Variants in CFAP77 observed in about 807,000 individuals in gnomAD.
CFAP77 encodes cilia- and flagella-associated protein 77.
CFAP77 carries 25 observed loss-of-function variants against 31.1 expected under a neutral mutation model. That is an observed-to-expected ratio of 0.80 (90% CI 0.59 to 1.12). CFAP77 has a LOEUF of 1.12. CFAP77 is among the 50% of genes most tolerant of loss of function. CFAP77 has a pLI of 0.00. For missense variants in CFAP77, 377 were observed against 397.3 expected, an observed-to-expected ratio of 0.95 and a Z score of 0.44; for synonymous variants, 151 against 159.9, an observed-to-expected ratio of 0.94 and a Z score of 0.42.
rs1305842690 is a variant in CFAP77, at chr9:132,539,442, C to A, written c.630+1736C>A. On this transcript the variant is annotated intron_variant, in intron 4 of 5. Transcript: ENST00000393216. The surrounding 1 kb of genome is among the most constrained non-coding windows in gnomAD (Gnocchi z 4.3). ...GGTTTATTTCACGGGGAAACTAGGG[C>A]TCAGAGAGATGAAGTGATTTGCCAA... is the stretch of plus-strand genomic sequence containing the variant. 1.3e-5 allele frequency among the ~76,000 whole-genome samples: 2 copies of A among 152,118 alleles called. No homozygotes were observed. The highest frequency in any genetic ancestry group is 2.9e-5 in the Non-Finnish European group (2 of 68,020).
chr9:132,440,166 A>G (rs535518024), intron 1 of CFAP77, among the ~76,000 whole-genome samples: 4 of 151,776 alleles, frequency 2.6e-5, no homozygotes, highest in African/African-American at 9.7e-5. Flanking sequence ...CCCCCTCTCT[A>G]CAAAAAATAA....
chr9:132,485,011 G>A (rs1039429701), intron 1 of CFAP77, among the ~76,000 whole-genome samples: 1 of 152,178 alleles, frequency 6.6e-6, no homozygotes, highest in South Asian at 2.1e-4. Context: ...AGCAAGCCCA[G>A]CTAATTTTTT....
At chr9:132,546,873 T>G (rs1407633855) in intron 5 of CFAP77, among the ~76,000 whole-genome samples, 2 of 152,168 alleles carry the variant, frequency 1.3e-5, no homozygotes, top group Non-Finnish European at 2.9e-5. Flanking sequence ...AATGAGTGGG[T>G]GGGACTAGTT....
At position 132,513,314 on chromosome 9, in the gene CFAP77, C is replaced by A. The variant is rs1050384313; in HGVS notation, c.524+13714C>A. ...AAGCAACATAACTAACTCCCGTGAA[C>A]CCACTACCTGGATTTAGCACGCTAA... is the stretch of plus-strand genomic sequence containing the variant. On this transcript the variant is annotated intron_variant, in intron 3 of 5. Coordinates refer to ENST00000393216, the MANE Select transcript of CFAP77 (RefSeq NM_001282957.2). 7.7e-6 allele frequency: 12 copies of A among 1,548,858 alleles called. No homozygotes were observed. In the African/African-American group the frequency reaches 1.5e-4, roughly 19 times the overall value.
At chr9:132,449,727 G>A (rs1449334427) in intron 1 of CFAP77, among the ~76,000 whole-genome samples, 2 of 152,132 alleles carry the variant, frequency 1.3e-5, no homozygotes, top group Admixed American at 6.6e-5. Context: ...CATAATAAAC[G>A]TCTGTTTAAC....
chr9:132,420,530 G>A (rs1437294714), intron 1 of CFAP77, among the ~76,000 whole-genome samples: 3 of 151,488 alleles, frequency 2.0e-5, no homozygotes, highest in East Asian at 1.9e-4. Flanking sequence ...GCATGGTGGT[G>A]CACACCTGTA....
intron 5 of CFAP77, among the ~76,000 whole-genome samples, chr9:132,561,656 CACACA>C (rs1564253335): frequency 0.019 from 1,648 of 85,332 alleles, 25 homozygotes; most frequent in Non-Finnish European, 0.026. Flanking sequence ...CACACACACA[CACACA>C]CCCCCTCCAT....
At chr9:132,547,717 C>T (rs537849528) in intron 5 of CFAP77, among the ~76,000 whole-genome samples, 3 of 152,290 alleles carry the variant, frequency 2.0e-5, no homozygotes, top group African/African-American at 4.8e-5. Flanking sequence ...TGCGCCGTGT[C>T]CACAGCCTGA....
At chr9:132,439,082 G>C (rs1850569543) in intron 1 of CFAP77, among the ~76,000 whole-genome samples, 1 of 151,196 alleles carries the variant, frequency 6.6e-6, no homozygotes, top group African/African-American at 2.4e-5. Flanking sequence ...CACCATGTTG[G>C]CCAAGCTGGT....
rs987890565 is a variant in CFAP77, at chr9:132,552,784, A to T, written c.732+9737A>T. ...CAGCCACCAAACCTGTATTTTCAGC[A>T]AGCCAGCTGCCCCAGCTCTCAGGGT... On this transcript the variant is annotated intron_variant, in intron 5 of 5. Coordinates refer to ENST00000393216, the MANE Select transcript of CFAP77 (RefSeq NM_001282957.2). The surrounding 1 kb of genome is among the most constrained non-coding windows in gnomAD (Gnocchi z 5.5). 6.6e-6 allele frequency among the ~76,000 whole-genome samples: 1 copy of T among 151,806 alleles called. No homozygotes were observed. Among genetic ancestry groups the T allele is most frequent in the African/African-American group, 2.4e-5 (1 of 41,312 alleles).
rs546394252 is a variant in CFAP77, at chr9:132,568,593, C to A, written c.733-3795C>A. 5.0e-4 allele frequency among the ~76,000 whole-genome samples: 75 copies of A among 150,880 alleles called. 1 individual carries two copies. Among genetic ancestry groups the A allele is most frequent in the Non-Finnish European group, 8.8e-4 (60 of 67,904 alleles). ...AAAAAAAAATAGTGCGTATACTATA[C>A]TGTGCACTTGAAAATGCTGCTAAGA... On this transcript the variant is annotated intron_variant, in intron 5 of 5. Coordinates refer to ENST00000393216, the MANE Select transcript of CFAP77 (RefSeq NM_001282957.2).
At chr9:132,421,288 G>A (rs1024493105) in intron 1 of CFAP77, among the ~76,000 whole-genome samples, 1 of 151,916 alleles carries the variant, frequency 6.6e-6, no homozygotes. Flanking sequence ...CACCATGCCC[G>A]GCCTTGGGCT....
Position 132,495,723 on chromosome 9 carries a change from G to A in CFAP77, c.196-2972G>A, listed in dbSNP as rs1851730625. 6.6e-6 allele frequency among the ~76,000 whole-genome samples: 1 copy of A among 152,192 alleles called. No individual in the cohort carries two copies. Among genetic ancestry groups the A allele is most frequent in the South Asian group, 2.1e-4 (1 of 4,828 alleles). On this transcript the variant is annotated intron_variant, in intron 1 of 5. Transcript: ENST00000393216. This position sits in a 1 kb window ranked among gnomAD's most constrained non-coding sequence, Gnocchi z 4.2. ...TAAAATTCAAAACCTAACTTTGGAT[G>A]GGATGGCGTTAGCAGGTGGGTCTTT...
rs984809141 is a variant in CFAP77, at chr9:132,424,848, A to T, written c.195+14382A>T. On this transcript the variant is annotated intron_variant, in intron 1 of 5. Coordinates refer to ENST00000393216, the MANE Select transcript of CFAP77 (RefSeq NM_001282957.2). The surrounding 1 kb of genome is among the most constrained non-coding windows in gnomAD (Gnocchi z 4.1). Reference sequence around the variant, plus strand: ...AGAGCGGCCTCCCCCTTTTCAAAGGAAAGGCATCCCCTCCTCCTCTCCCAA... The same window carrying T: ...AGAGCGGCCTCCCCCTTTTCAAAGGTAAGGCATCCCCTCCTCCTCTCCCAA... Among the ~76,000 whole-genome samples the T allele has an allele frequency of 1.3e-5, 2 of 152,202 alleles. No homozygotes were observed. The highest frequency in any genetic ancestry group is 2.9e-5 in the Non-Finnish European group (2 of 68,024).
At chr9:132,434,522 A>G (rs1381659744) in intron 1 of CFAP77, among the ~76,000 whole-genome samples, 2 of 152,102 alleles carry the variant, frequency 1.3e-5, no homozygotes, top group African/African-American at 4.8e-5. Context: ...TGTATTTTCG[A>G]TCCAAACTTA....
intron 3 of CFAP77, among the ~76,000 whole-genome samples, chr9:132,532,725 C>T (rs1852475186): frequency 6.6e-6 from 1 of 152,122 alleles, no homozygotes; most frequent in Admixed American, 6.5e-5. Context: ...TTCTGAGGTT[C>T]TGACCCCTTC....
chr9:132,438,541 A>ATTTTTTTT (rs10641294), intron 1 of CFAP77, among the ~76,000 whole-genome samples: 9 of 108,148 alleles, frequency 8.3e-5, no homozygotes, highest in South Asian at 5.9e-4. Context: ...ATATATATAT[A>ATTTTTTTT]TTTTTTTTTT....
chr9:132,571,322 G>A (rs541939035), intron 5 of CFAP77, among the ~76,000 whole-genome samples: 5 of 152,164 alleles, frequency 3.3e-5, no homozygotes, highest in South Asian at 2.1e-4. Flanking sequence ...CAGCAGCCAC[G>A]CTACCCCCCT....
At chr9:132,515,943 T>C (rs1589900001) in intron 3 of CFAP77, among the ~76,000 whole-genome samples, 1 of 152,204 alleles carries the variant, frequency 6.6e-6, no homozygotes, top group East Asian at 1.9e-4. Flanking sequence ...GCACCAAGTA[T>C]TTTTGTTGTT....
Sources: allele counts gnomAD v4.1 joint callset (sites outside exome capture counted in the v4.1 genomes callset), GRCh38; gene constraint gnomAD v4.1.1; non-coding constraint Gnocchi (gnomAD v3.1); transcripts MANE v1.5; gene names NCBI Gene and HGNC (gene_info 2026-07-23, HGNC 2026-07-21).